ACBD3: variants seen among roughly 807,000 people sequenced by gnomAD.
ACBD3 encodes the protein acyl-CoA binding domain containing 3, also known as Golgi resident protein GCP60.
In ACBD3, 30 loss-of-function variants were observed where a neutral mutation model predicts 66.9. The ratio of observed to expected loss-of-function variants is 0.45; its 90% CI spans 0.34 to 0.61. ACBD3 has a LOEUF of 0.61. Among genes scored for constraint, ACBD3 ranks in the 20% least tolerant of loss-of-function variants. The pLI is 0.02. For synonymous variants in ACBD3, 278 were observed against 259.8 expected (o/e 1.07, Z -0.68); for missense variants, 544 against 664.5 (o/e 0.82, Z 1.99).
intron 7 of ACBD3, 96 bp downstream of exon 7, chr1:226,152,239 T>TCCCTAACCATGA (rs1241336286): frequency 1.4e-6 from 2 of 1,465,582 alleles, no homozygotes; most frequent in African/African-American, 2.8e-5. Flanking sequence ...CATGAAGTGT[T>TCCCTAACCATGA]AGTCAGGAAG....
chr1:226,178,326 T>G (rs1484902644), intron 1 of ACBD3, among the ~76,000 whole-genome samples: 2 of 151,846 alleles, frequency 1.3e-5, no homozygotes, highest in East Asian at 3.9e-4. Context: ...ATCCCAGCAC[T>G]TTGGGAGGCC....
chr1:226,175,849 AGGT>A (rs1270631000), intron 1 of ACBD3, among the ~76,000 whole-genome samples: 2 of 152,228 alleles, frequency 1.3e-5, no homozygotes, highest in Non-Finnish European at 2.9e-5. Context: ...TTTAATAAAA[AGGT>A]AAAACGAATA....
intron 1 of ACBD3, among the ~76,000 whole-genome samples, chr1:226,173,496 A>T (rs1022699700): frequency 6.6e-5 from 10 of 152,218 alleles, no homozygotes; most frequent in East Asian, 1.9e-4. Flanking sequence ...TTATTCTCCC[A>T]AGGAATATAC....
chr1:226,159,915 A>G (rs1659739247), intron 4 of ACBD3, among the ~76,000 whole-genome samples: 1 of 152,250 alleles, frequency 6.6e-6, no homozygotes, highest in African/African-American at 2.4e-5. Flanking sequence ...AGTAAGAGGC[A>G]GAAGAATAGC....
Position 226,183,675 on chromosome 1 carries a change from C to T in ACBD3, c.286+2715G>A, listed in dbSNP as rs546054807. On this transcript the variant is annotated intron_variant, in intron 1 of 7. Coordinates refer to ENST00000366812, the MANE Select transcript of ACBD3 (RefSeq NM_022735.4). ...TTGGGAGGCCAAGGTGGGCAGATCA[C>T]CTGAGGTCGGCAGTTCGAGACCAGC... Among the ~76,000 whole-genome samples, 3 of 152,162 alleles carry T rather than the reference C, an allele frequency of 2.0e-5. No homozygotes were observed. The South Asian group carries it at 6.2e-4, about 32-fold the overall frequency.
At chr1:226,176,990 T>G in intron 1 of ACBD3, among the ~76,000 whole-genome samples, 1 of 152,190 alleles carries the variant, frequency 6.6e-6, no homozygotes, top group East Asian at 1.9e-4. Context: ...ACATTATTTT[T>G]AATCACATAC....
chr1:226,168,749 A>G (rs1249427481), intron 1 of ACBD3, among the ~76,000 whole-genome samples: 1 of 152,240 alleles, frequency 6.6e-6, no homozygotes, highest in Non-Finnish European at 1.5e-5. Flanking sequence ...TACAACACAT[A>G]ATACTTGATG....
At chr1:226,160,881 T>G (rs1659758551) in intron 4 of ACBD3, among the ~76,000 whole-genome samples, 1 of 152,226 alleles carries the variant, frequency 6.6e-6, no homozygotes, top group Admixed American at 6.5e-5. Flanking sequence ...ACCAACAAGA[T>G]TCTCTGTCCT....
chr1:226,175,631 A>G (rs1656014514), intron 1 of ACBD3, among the ~76,000 whole-genome samples: 1 of 152,160 alleles, frequency 6.6e-6, no homozygotes, highest in Non-Finnish European at 1.5e-5. Flanking sequence ...AGAGAGATAC[A>G]GACATACATT....
chr1:226,170,458 G>C (rs1659971773), intron 1 of ACBD3, among the ~76,000 whole-genome samples: 1 of 151,382 alleles, frequency 6.6e-6, no homozygotes, highest in African/African-American at 2.4e-5. Context: ...ACAGACGTGA[G>C]CCACCGTGCT....
intron 5 of ACBD3, among the ~76,000 whole-genome samples, chr1:226,156,861 GC>G (rs1659683112): frequency 6.6e-6 from 1 of 152,082 alleles, no homozygotes; most frequent in African/African-American, 2.4e-5. Flanking sequence ...TGATCAATAG[GC>G]CCAGCTCAAA....
intron 7 of ACBD3, chr1:226,148,034 C>T (rs983024118): frequency 2.0e-5 from 3 of 152,080 alleles, no homozygotes; most frequent in Non-Finnish European, 4.4e-5. Flanking sequence ...CTGAGTGATG[C>T]TTGTCAATGG....
At chr1:226,177,872 A>AGCT (rs1389717209) in intron 1 of ACBD3, among the ~76,000 whole-genome samples, 1 of 151,870 alleles carries the variant, frequency 6.6e-6, no homozygotes, top group Non-Finnish European at 1.5e-5. Flanking sequence ...CCTCCTGAGT[A>AGCT]GCTGGGGCTA....
chr1:226,168,689 G>A (rs1487691943), intron 1 of ACBD3, among the ~76,000 whole-genome samples: 6 of 152,184 alleles, frequency 3.9e-5, no homozygotes, highest in South Asian at 2.1e-4. Context: ...TGATGCTGGC[G>A]TTAAACTAAC....
chr1:226,178,687 A>C (rs1293420728), intron 1 of ACBD3, among the ~76,000 whole-genome samples: 1 of 152,092 alleles, frequency 6.6e-6, no homozygotes, highest in African/African-American at 2.4e-5. Context: ...AAATTATTTC[A>C]ATGTCCCTTC....
intron 1 of ACBD3, among the ~76,000 whole-genome samples, chr1:226,174,598 C>A (rs1053808400): frequency 1.3e-5 from 2 of 151,214 alleles, no homozygotes; most frequent in Non-Finnish European, 2.9e-5. Flanking sequence ...AACCCAGTCT[C>A]CACTAAAAAT....
chr1:226,179,894 T>G (rs1354195513), intron 1 of ACBD3, among the ~76,000 whole-genome samples: 3 of 149,202 alleles, frequency 2.0e-5, no homozygotes, highest in South Asian at 4.2e-4. Context: ...AAAAACCAAC[T>G]AGGTGCAGCA....
At chr1:226,163,896 G>A (rs1659818179) in intron 3 of ACBD3, among the ~76,000 whole-genome samples, 1 of 152,036 alleles carries the variant, frequency 6.6e-6, no homozygotes, top group African/African-American at 2.4e-5. Context: ...CCAGGCGGGT[G>A]GATCACCTGA....
chr1:226,148,755 C>G (rs1659505611), intron 7 of ACBD3, among the ~76,000 whole-genome samples: 1 of 152,122 alleles, frequency 6.6e-6, no homozygotes, highest in African/African-American at 2.4e-5. Flanking sequence ...AAACCAAAAC[C>G]CAAAAAACTC....
Sources: allele counts gnomAD v4.1 joint callset (sites outside exome capture counted in the v4.1 genomes callset), GRCh38; gene constraint gnomAD v4.1.1; transcripts MANE v1.5; gene names NCBI Gene and HGNC (gene_info 2026-07-23, HGNC 2026-07-21).